The following SDC2 variants were observed in gnomAD, a reference collection of about 807,000 sequenced individuals.
SDC2 encodes the protein syndecan-2.
Under a neutral mutation model 22.2 loss-of-function variants are expected in SDC2, and 13 were observed. The observed-to-expected ratio is 0.59, with a 90% CI of 0.38 to 0.93. The LOEUF (loss-of-function observed/expected upper bound fraction) is 0.93. Among genes scored for constraint, SDC2 ranks in the 40% least tolerant of loss-of-function variants. The probability of loss-of-function intolerance (pLI) is 0.00; values close to 1 mark genes in which losing one functional copy is unlikely to be tolerated. For synonymous variants in SDC2, 94 were observed against 92.8 expected (o/e 1.01, Z -0.07); for missense variants, 235 against 246.8 (o/e 0.95, Z 0.32).
chr8:96,597,431 C>A (rs1814896692), intron 2 of SDC2, among the ~76,000 whole-genome samples: 1 of 152,214 alleles, frequency 6.6e-6, no homozygotes, highest in Non-Finnish European at 1.5e-5. Context: ...ATTTGACACA[C>A]CTCTCCTGTG....
chr8:96,606,292 C>G (rs1463753286), intron 3 of SDC2, among the ~76,000 whole-genome samples: 1 of 152,092 alleles, frequency 6.6e-6, no homozygotes, highest in African/African-American at 2.4e-5. Flanking sequence ...GAGACAAGGT[C>G]TCAGTATGTT....
At position 96,560,584 on chromosome 8, in the gene SDC2, A is replaced by G. The variant is rs147990512; in HGVS notation, c.61-32896A>G. Among the ~76,000 whole-genome samples the G allele has an allele frequency of 4.4e-3, 664 of 152,284 alleles. 1 individual carries two copies. The highest frequency in any genetic ancestry group is 7.5e-3 in the Non-Finnish European group (510 of 67,998). On this transcript the variant is annotated intron_variant, in intron 1 of 4. Coordinates refer to ENST00000302190, the MANE Select transcript of SDC2 (RefSeq NM_002998.4). Reference sequence around the variant, plus strand: ...TTTTAAGGCGATGGTTTTATTATGTATGTGATTTTATGGTTTGACTTTTAA... The same window carrying G: ...TTTTAAGGCGATGGTTTTATTATGTGTGTGATTTTATGGTTTGACTTTTAA...
chr8:96,603,115 T>A (rs1036676896), intron 3 of SDC2, among the ~76,000 whole-genome samples: 1 of 152,198 alleles, frequency 6.6e-6, no homozygotes, highest in Non-Finnish European at 1.5e-5. Context: ...TAATGAAAAC[T>A]TGGAGCTTGT....
intron 1 of SDC2, among the ~76,000 whole-genome samples, chr8:96,521,551 T>C (rs1406588572): frequency 1.3e-5 from 2 of 152,198 alleles, no homozygotes; most frequent in African/African-American, 4.8e-5. Flanking sequence ...TTATCTGTGT[T>C]GTAAGAAAAG....
At chr8:96,591,563 A>G (rs889223564) in intron 1 of SDC2, among the ~76,000 whole-genome samples, 3 of 152,222 alleles carry the variant, frequency 2.0e-5, no homozygotes, top group Non-Finnish European at 4.4e-5. Context: ...GGGGCAAGAA[A>G]AATGCACATG....
Position 96,565,096 on chromosome 8 carries a change from T to G in SDC2, c.61-28384T>G, listed in dbSNP as rs1324427188. On this transcript the variant is annotated intron_variant, in intron 1 of 4. Transcript: ENST00000302190. Reference sequence around the variant, plus strand: ...CATCCTAAATTTGATTTTTTTTTTTTTTTGTTGAGATGGGGAGTGTTGCTC... The same window carrying G: ...CATCCTAAATTTGATTTTTTTTTTTGTTTGTTGAGATGGGGAGTGTTGCTC... Among the ~76,000 whole-genome samples the G allele has an allele frequency of 2.3e-5, 3 of 131,280 alleles. 1 individual carries two copies. The highest frequency in any genetic ancestry group is 4.9e-5 in the Non-Finnish European group (3 of 60,992). The allele number at this position is 131,280 out of a possible 152,430, so 86.1% of individuals were successfully genotyped here.
intron 1 of SDC2, among the ~76,000 whole-genome samples, chr8:96,590,700 G>A (rs942501109): frequency 9.2e-5 from 14 of 152,128 alleles, no homozygotes; most frequent in African/African-American, 3.1e-4. Flanking sequence ...AGTGAAAAGG[G>A]CCCTGCTTTA....
intron 1 of SDC2, among the ~76,000 whole-genome samples, chr8:96,516,758 A>G (rs1813407987): frequency 6.6e-6 from 1 of 152,176 alleles, no homozygotes; most frequent in African/African-American, 2.4e-5. Context: ...CTAGTACTTC[A>G]TCTCTCTTTA....
intron 2 of SDC2, among the ~76,000 whole-genome samples, chr8:96,600,386 T>A (rs1814958166): frequency 6.6e-6 from 1 of 152,228 alleles, no homozygotes; most frequent in African/African-American, 2.4e-5. Flanking sequence ...AAAGGAATGT[T>A]GTATTTGAAT....
At chr8:96,552,628 C>T (rs1814045559) in intron 1 of SDC2, among the ~76,000 whole-genome samples, 1 of 152,120 alleles carries the variant, frequency 6.6e-6, no homozygotes, top group Non-Finnish European at 1.5e-5. Flanking sequence ...AAGCTGTCTT[C>T]CTCTAAATTT....
At chr8:96,510,717 A>G (rs545982682) in intron 1 of SDC2, among the ~76,000 whole-genome samples, 1 of 152,348 alleles carries the variant, frequency 6.6e-6, no homozygotes. Context: ...ACCATTTACT[A>G]TGATTCATAG....
chr8:96,571,921 CAGGT>C (rs1814401913), intron 1 of SDC2, among the ~76,000 whole-genome samples: 1 of 152,254 alleles, frequency 6.6e-6, no homozygotes, highest in East Asian at 1.9e-4. Context: ...TATTATTGCA[CAGGT>C]AGACTTTTCT....
chr8:96,504,500 A>G (rs959379612), intron 1 of SDC2, among the ~76,000 whole-genome samples: 3 of 152,216 alleles, frequency 2.0e-5, no homozygotes, highest in African/African-American at 2.4e-5. Context: ...TATCATCTCC[A>G]TGCTTGTTTC....
chr8:96,585,238 C>G (rs1814662236), intron 1 of SDC2, among the ~76,000 whole-genome samples: 1 of 152,148 alleles, frequency 6.6e-6, no homozygotes, highest in Admixed American at 6.5e-5. Flanking sequence ...TGTGAACATT[C>G]TCTCCAGGTG....
At chr8:96,502,656 A>C (rs1205527980) in intron 1 of SDC2, among the ~76,000 whole-genome samples, 2 of 152,210 alleles carry the variant, frequency 1.3e-5, no homozygotes, top group South Asian at 2.1e-4. Context: ...TGCAGACCAC[A>C]AGCAAGAATC....
intron 1 of SDC2, among the ~76,000 whole-genome samples, chr8:96,514,856 C>T (rs1210580627): frequency 6.6e-6 from 1 of 152,158 alleles, no homozygotes; most frequent in Admixed American, 6.5e-5. Context: ...GGCTACTCAC[C>T]TGCTGTGGGG....
intron 1 of SDC2, among the ~76,000 whole-genome samples, chr8:96,525,671 G>T (rs1813565480): frequency 6.6e-6 from 1 of 152,146 alleles, no homozygotes; most frequent in South Asian, 2.1e-4. Context: ...ACTTGTCCAA[G>T]ATGTTACCTT....
At chr8:96,518,560 A>C (rs1307404553) in intron 1 of SDC2, among the ~76,000 whole-genome samples, 1 of 151,994 alleles carries the variant, frequency 6.6e-6, no homozygotes, top group Admixed American at 6.6e-5. Flanking sequence ...AGGTTTCACC[A>C]TGTTGGCCAG....
rs1339007345 is a variant in SDC2 at position 96,511,494 on chromosome 8, T to G, written c.60+17163T>G. 2.0e-5 allele frequency among the ~76,000 whole-genome samples: 3 copies of G among 152,098 alleles called. No homozygotes were observed. In the East Asian group the frequency reaches 5.8e-4, roughly 29 times the overall value. Reference sequence around the variant, plus strand: ...AACACTGATTTATAGAAATAGTGAGTTTCCTTTGTAGAAGCCAGCCCTTAG... The same window carrying G: ...AACACTGATTTATAGAAATAGTGAGGTTCCTTTGTAGAAGCCAGCCCTTAG... On this transcript the variant is annotated intron_variant, in intron 1 of 4. Transcript: ENST00000302190.
Sources: gnomAD v4.1 joint callset for allele counts (sites outside exome capture counted in the v4.1 genomes callset) on GRCh38, gnomAD v4.1.1 for gene constraint, MANE v1.5 for transcripts, NCBI Gene and HGNC (gene_info 2026-07-23, HGNC 2026-07-21) for gene names.